Variants in CDKAL1 observed in about 807,000 individuals in gnomAD.
The protein encoded by CDKAL1 is threonylcarbamoyladenosine tRNA methylthiotransferase.
CDKAL1 carries 32 observed loss-of-function variants against 68.2 expected under a neutral mutation model. That is an observed-to-expected ratio of 0.47 (90% CI 0.35 to 0.63). CDKAL1 has a LOEUF of 0.63. CDKAL1 is among the 30% of genes least tolerant of loss of function. CDKAL1 has a pLI of 0.00. For synonymous variants in CDKAL1, 234 were observed against 244.3 expected, an observed-to-expected ratio of 0.96 and a Z score of 0.39; for missense variants, 606 against 696.7, an observed-to-expected ratio of 0.87 and a Z score of 1.47.
intron 6 of CDKAL1, among the ~76,000 whole-genome samples, chr6:20,751,999 C>T (rs148823881): frequency 3.9e-5 from 6 of 151,942 alleles, no homozygotes; most frequent in East Asian, 1.9e-4. Flanking sequence ...TTCTTGCTCT[C>T]GATTGTTTTT....
chr6:20,812,832 A>T (rs994009874), intron 8 of CDKAL1, among the ~76,000 whole-genome samples: 1 of 152,190 alleles, frequency 6.6e-6, no homozygotes, highest in Non-Finnish European at 1.5e-5. Context: ...ATTTACAAAT[A>T]CAATTTTTTT....
chr6:20,557,180 G>T (rs1764090277), intron 4 of CDKAL1, among the ~76,000 whole-genome samples: 1 of 151,946 alleles, frequency 6.6e-6, no homozygotes, highest in Admixed American at 6.6e-5. Context: ...TTACAGTGAA[G>T]TGTTTAGTTA....
intron 4 of CDKAL1, among the ~76,000 whole-genome samples, chr6:20,612,069 A>T (rs1296923673): frequency 6.6e-6 from 1 of 152,172 alleles, no homozygotes; most frequent in Non-Finnish European, 1.5e-5. Flanking sequence ...ATGTTGCTGC[A>T]AATGATATGA....
intron 2 of CDKAL1, among the ~76,000 whole-genome samples, chr6:20,541,537 T>C (rs1763386610): frequency 1.3e-5 from 2 of 152,182 alleles, no homozygotes; most frequent in Non-Finnish European, 2.9e-5. Flanking sequence ...CAGTGATTCT[T>C]ATTGGCTAGG....
At chr6:21,135,597 C>T (rs1483580164) in intron 13 of CDKAL1, 1 of 655,842 alleles carries the variant, frequency 1.5e-6, no homozygotes, top group Middle Eastern at 7.8e-4. Context: ...GGACCATATG[C>T]TAGTTGACTA....
intron 11 of CDKAL1, among the ~76,000 whole-genome samples, chr6:21,008,652 A>G (rs960850120): frequency 1.3e-5 from 2 of 152,162 alleles, no homozygotes; most frequent in Admixed American, 6.5e-5. Context: ...AGAAATCTTC[A>G]TGGTCCTTTT....
At chr6:20,902,697 C>T (rs1328057094) in intron 9 of CDKAL1, among the ~76,000 whole-genome samples, 1 of 151,956 alleles carries the variant, frequency 6.6e-6, no homozygotes, top group Non-Finnish European at 1.5e-5. Context: ...TGCTTAAGGA[C>T]AGAGTGTAGA....
chr6:21,108,538 T>C, intron 13 of CDKAL1, 75 bp downstream of exon 13: 3 of 930,544 alleles, frequency 3.2e-6, no homozygotes, highest in South Asian at 1.6e-5. Flanking sequence ...CACCAACATA[T>C]GGTGATTCTG....
At chr6:20,942,579 C>T (rs1001275351) in intron 9 of CDKAL1, among the ~76,000 whole-genome samples, 1 of 150,234 alleles carries the variant, frequency 6.7e-6, no homozygotes, top group African/African-American at 2.4e-5. Flanking sequence ...CTTAGTCAGG[C>T]TGGTCTTGAG....
At chr6:20,675,987 G>A (rs1770077074) in intron 5 of CDKAL1, among the ~76,000 whole-genome samples, 1 of 152,038 alleles carries the variant, frequency 6.6e-6, no homozygotes, top group African/African-American at 2.4e-5. Context: ...AGGCTAATGT[G>A]TGTGTTTGTG....
chr6:21,162,440 A>G (rs1231752830), intron 13 of CDKAL1, among the ~76,000 whole-genome samples: 3 of 152,236 alleles, frequency 2.0e-5, no homozygotes, highest in Non-Finnish European at 2.9e-5. Context: ...TAAATGGGGC[A>G]TTGAACTCTG....
chr6:20,617,382 G>C (rs1766966913), intron 4 of CDKAL1, among the ~76,000 whole-genome samples: 1 of 152,070 alleles, frequency 6.6e-6, no homozygotes, highest in Non-Finnish European at 1.5e-5. Flanking sequence ...AGGACCTAGG[G>C]AATAATAAAG....
At chr6:21,127,483 C>T (rs1393822691) in intron 13 of CDKAL1, among the ~76,000 whole-genome samples, 1 of 152,206 alleles carries the variant, frequency 6.6e-6, no homozygotes, top group Non-Finnish European at 1.5e-5. Context: ...GGCACAGTGT[C>T]TCACACCTGT....
intron 8 of CDKAL1, among the ~76,000 whole-genome samples, chr6:20,781,513 C>T (rs1435570984): frequency 1.3e-5 from 2 of 152,096 alleles, no homozygotes; most frequent in East Asian, 1.9e-4. Context: ...ACATGGATTT[C>T]ATTTCCCAGC....
chr6:21,114,694 G>A (rs929948391), intron 13 of CDKAL1, among the ~76,000 whole-genome samples: 39 of 151,720 alleles, frequency 2.6e-4, no homozygotes, highest in Admixed American at 1.8e-3. Flanking sequence ...AGTTGTGATC[G>A]CACCACTGCA....
chr6:20,902,358 C>CACACACACAA (rs769859254), intron 9 of CDKAL1, among the ~76,000 whole-genome samples: 297 of 25,534 alleles, frequency 0.012, 5 homozygotes, highest in African/African-American at 0.019. Flanking sequence ...CACACACACA[C>CACACACACAA]AATGTGTTTA....
intron 11 of CDKAL1, among the ~76,000 whole-genome samples, chr6:21,037,617 C>T (rs975080786): frequency 6.6e-6 from 1 of 152,098 alleles, no homozygotes; most frequent in African/African-American, 2.4e-5. Flanking sequence ...GTGTCAAATA[C>T]CTGAAATGTG....
intron 13 of CDKAL1, among the ~76,000 whole-genome samples, chr6:21,170,338 T>TGG (rs758755047): frequency 3.6e-4 from 55 of 152,192 alleles, no homozygotes; most frequent in Non-Finnish European, 1.6e-4. Flanking sequence ...GTTGGTTGGT[T>TGG]TGTTGGTTTG....
At chr6:20,570,232 T>C (rs895986429) in intron 4 of CDKAL1, among the ~76,000 whole-genome samples, 4 of 151,710 alleles carry the variant, frequency 2.6e-5, no homozygotes, top group Admixed American at 6.6e-5. Context: ...GCCTCCCGAG[T>C]AGCTGGGACT....
Sources: allele counts gnomAD v4.1 joint callset (sites outside exome capture counted in the v4.1 genomes callset), GRCh38; gene constraint gnomAD v4.1.1; transcripts MANE v1.5; gene names NCBI Gene and HGNC (gene_info 2026-07-23, HGNC 2026-07-21).